The following SOD2 variants were observed in gnomAD, a reference collection of about 807,000 sequenced individuals.
SOD2 encodes the protein superoxide dismutase 2.
A neutral mutation model predicts 27.0 loss-of-function variants in SOD2; 11 were observed. The ratio of observed to expected loss-of-function variants is 0.41; its 90% CI spans 0.26 to 0.67. The LOEUF (loss-of-function observed/expected upper bound fraction) is 0.67. SOD2 is among the 30% of genes least tolerant of loss of function. The pLI, the probability that SOD2 is intolerant of heterozygous loss-of-function variation, is 0.34. For missense variants in SOD2, 250 were observed against 274.5 expected (o/e 0.91, Z 0.63); for synonymous variants, 105 against 103.0 (o/e 1.02, Z -0.12).
At chr6:159,751,673 C>T (rs1212590152) in intron 1 of SOD2, among the ~76,000 whole-genome samples, 6 of 152,340 alleles carry the variant, frequency 3.9e-5, no homozygotes, top group South Asian at 2.1e-4. Context: ...CTTTCACCCT[C>T]GGGCTCCTCT....
upstream of SOD2, chr6:159,693,246 C>A: frequency 2.2e-6 from 3 of 1,364,166 alleles, no homozygotes; most frequent in Non-Finnish European, 3.0e-6. Flanking sequence ...ACGAGTGCCG[C>A]TCCTGCGCCG....
intron 2 of SOD2, 177 bp from the exon 3 acceptor site, chr6:159,688,419 A>G: frequency 1.8e-6 from 1 of 554,462 alleles, no homozygotes. Context: ...AGACATGCTG[A>G]ACAACTGATG....
chr6:159,732,370 T>C (rs1262809725), intron 1 of SOD2, among the ~76,000 whole-genome samples: 4 of 152,148 alleles, frequency 2.6e-5, no homozygotes, highest in African/African-American at 9.7e-5. Flanking sequence ...GTGATAAATA[T>C]AGCTGTTTTC....
In SOD2 at chr6:159,671,312, C is replaced by T. The variant is rs1779654465; in HGVS notation, c.*11181G>A. 6.6e-6 allele frequency: 1 copy of T among 152,528 alleles called. No individual in the cohort carries two copies. 9.4% of individuals were successfully genotyped at this position (152,528 alleles called of 1,614,324 possible). The stretch of plus-strand genomic sequence containing the variant: ...ACTGCCTCCTCAAGTGAGTCCCTGA[C>T]CCCCGAGTAGCCTAACTGGGAGGCA... On this transcript the variant is annotated 3_prime_UTR_variant, in exon 5 of 5. Coordinates refer to ENST00000538183, the MANE Select transcript of SOD2 (RefSeq NM_000636.4).
At chr6:159,714,585 G>A (rs1403647955) in intron 1 of SOD2, among the ~76,000 whole-genome samples, 1 of 152,176 alleles carries the variant, frequency 6.6e-6, no homozygotes, top group Non-Finnish European at 1.5e-5. Flanking sequence ...TCTTTCCCAC[G>A]GTACTATAAA....
At chr6:159,748,175 C>G (rs1390587492), upstream of SOD2, 1 of 1,607,208 alleles carries the variant, frequency 6.2e-7, no homozygotes, top group Non-Finnish European at 8.5e-7. The surrounding 1 kb of genome is among the most constrained non-coding windows in gnomAD (Gnocchi z 5.6). Flanking sequence ...GTAATTGTTT[C>G]TTTTGCTTTG....
intron 1 of SOD2, among the ~76,000 whole-genome samples, chr6:159,753,938 A>C (rs972768740): frequency 7.2e-5 from 11 of 152,308 alleles, no homozygotes; most frequent in Admixed American, 5.2e-4. Context: ...TTTGAAAGGG[A>C]GAATAAGCAT....
At chr6:159,738,858 T>C (rs1779074073) in intron 1 of SOD2, 1 of 551,610 alleles carries the variant, frequency 1.8e-6, no homozygotes. Context: ...TGTAATAAAA[T>C]ACTTTTTCAA....
chr6:159,762,089 T>G (rs1583120023), exon 1 of SOD2: 1 of 1,612,902 alleles, frequency 6.2e-7, no homozygotes, highest in Non-Finnish European at 8.5e-7. Flanking sequence ...AGAAGCAAGA[T>G]GAATGCAGGC....
At chr6:159,733,450 C>T (rs957368532) in intron 1 of SOD2, among the ~76,000 whole-genome samples, 2 of 101,596 alleles carry the variant, frequency 2.0e-5, no homozygotes, top group Admixed American at 2.4e-4. Context: ...AACCCTGTCT[C>T]TACCAAAAAA....
rs186578656 is a variant in SOD2 at position 159,675,350 on chromosome 6, C to T, written c.*7143G>A. 6.6e-6 allele frequency: 1 copy of T among 152,314 alleles called. No individual in the cohort carries two copies. Among genetic ancestry groups the T allele is most frequent in the East Asian group, 1.9e-4 (1 of 5,182 alleles). The allele number at this position is 152,314 out of a possible 1,614,324, so 9.4% of individuals were successfully genotyped here. On this transcript the variant is annotated 3_prime_UTR_variant, in exon 5 of 5. Transcript: ENST00000538183. ...TCACGCTACCTGATTTCAAACTATA[C>T]TACAAGGCTGCAGTAACCAAAACAG...
In SOD2 at chr6:159,692,692, G is replaced by A; in HGVS notation, c.195C>T (p.Thr65=). Residue 65 remains threonine, a synonymous_variant, in exon 2 of 5, where the codon ACC becomes ACT. Transcript: ENST00000538183. Reference sequence around the variant, plus strand: ...CCAACGCCTCCTGGTACTTCTCCTCGGTGACGTTCAGGTTGTTCACGTAGG... The same window carrying A: ...CCAACGCCTCCTGGTACTTCTCCTCAGTGACGTTCAGGTTGTTCACGTAGG... The part of the protein sequence containing the change: ...HAAYVNNLNV[T]EEKYQEALAK... 2.5e-6 allele frequency: 4 copies of A among 1,614,096 alleles called. No individual in the cohort carries two copies. Among genetic ancestry groups the A allele is most frequent in the South Asian group, 1.1e-5 (1 of 91,066 alleles).
intron 1 of SOD2, chr6:159,727,015 AG>A (rs1240231872): frequency 8.0e-7 from 1 of 1,242,680 alleles, no homozygotes; most frequent in Non-Finnish European, 1.0e-6. Context: ...CGCACGAGGC[AG>A]CCCCGCAGCC....
At position 159,685,677 on chromosome 6, in the gene SOD2, C is replaced by A. The variant is rs951565370; in HGVS notation, c.344-644G>T. 4.7e-4 allele frequency among the ~76,000 whole-genome samples: 65 copies of A among 139,452 alleles called. 1 individual carries two copies. The highest frequency in any genetic ancestry group is 1.4e-4 in the Non-Finnish European group (9 of 63,550). The allele number at this position is 139,452 out of a possible 152,430, so 91.5% of individuals were successfully genotyped here. A position where few individuals can be genotyped will look rare whatever the true frequency, so the allele number is the denominator to read the frequency against. On this transcript the variant is annotated intron_variant, in intron 3 of 4. Coordinates refer to ENST00000538183, the MANE Select transcript of SOD2 (RefSeq NM_000636.4). ...TATACAACAGTTTTCACCCCCCGTC[C>A]CCTTCTTTCTCCCTCCCTGCTCTGT...
chr6:159,713,558 A>G, intron 1 of SOD2: 1 of 763,482 alleles, frequency 1.3e-6, no homozygotes, highest in Non-Finnish European at 2.3e-6. Context: ...CTGCCCTGAA[A>G]GTCCACTCAC....
At chr6:159,746,341 T>C (rs947254200), upstream of SOD2, among the ~76,000 whole-genome samples, 2 of 152,206 alleles carry the variant, frequency 1.3e-5, no homozygotes, top group African/African-American at 4.8e-5. Flanking sequence ...GAGGGTTTCT[T>C]ACCCTCTTGA....
intron 1 of SOD2, among the ~76,000 whole-genome samples, chr6:159,699,275 G>A (rs1220352443): frequency 6.6e-6 from 1 of 152,110 alleles, no homozygotes; most frequent in Non-Finnish European, 1.5e-5. Context: ...TTGCTTCTAT[G>A]CCCTGACCTT....
At chr6:159,748,418 C>T (rs753459755), upstream of SOD2, 17 of 1,601,414 alleles carry the variant, frequency 1.1e-5, no homozygotes, top group Admixed American at 1.5e-4. This position sits in a 1 kb window ranked among gnomAD's most constrained non-coding sequence, Gnocchi z 5.6. Context: ...AGTCCCACTA[C>T]GAGAAAGCTG....
chr6:159,762,219 T>C, exon 1 of SOD2: 1 of 1,506,524 alleles, frequency 6.6e-7, no homozygotes, highest in South Asian at 1.2e-5. Context: ...CGGACTTGTG[T>C]AGGAGAGGGG....
Sources: allele counts gnomAD v4.1 joint callset (sites outside exome capture counted in the v4.1 genomes callset), GRCh38; gene constraint gnomAD v4.1.1; non-coding constraint Gnocchi (gnomAD v3.1); transcripts MANE v1.5; gene names NCBI Gene and HGNC (gene_info 2026-07-23, HGNC 2026-07-21).